BANK1: variants seen among roughly 807,000 people sequenced by gnomAD.
BANK1 encodes the protein B cell scaffold protein with ankyrin repeats 1.
A neutral mutation model predicts 94.5 loss-of-function variants in BANK1; 95 were observed. The ratio of observed to expected loss-of-function variants is 1.00; its 90% CI spans 0.85 to 1.19. The LOEUF is 1.19. Among genes scored for constraint, BANK1 ranks in the 50% most tolerant of loss-of-function variants. The pLI, the probability that BANK1 is intolerant of heterozygous loss-of-function variation, is 0.00. For synonymous variants in BANK1, 334 were observed against 308.4 expected (o/e 1.08, Z -0.87); for missense variants, 987 against 932.2 (o/e 1.06, Z -0.77).
intron 7 of BANK1, among the ~76,000 whole-genome samples, chr4:101,939,855 A>T (rs186194451): frequency 1.0e-3 from 157 of 151,848 alleles, no homozygotes; most frequent in Non-Finnish European, 1.9e-3. Flanking sequence ...AGAAAAAAAA[A>T]TACATCAATA....
At chr4:101,845,160 A>C (rs1257087453) in intron 2 of BANK1, among the ~76,000 whole-genome samples, 1 of 152,134 alleles carries the variant, frequency 6.6e-6, no homozygotes, top group Admixed American at 6.5e-5. Flanking sequence ...CCGTTCCATG[A>C]TGTGATTATT....
At chr4:101,829,097 C>T (rs772774873) in intron 1 of BANK1, among the ~76,000 whole-genome samples, 3 of 151,922 alleles carry the variant, frequency 2.0e-5, no homozygotes, top group Middle Eastern at 3.2e-3. Flanking sequence ...CTCCTGACCT[C>T]GTGATCAGCC....
intron 5 of BANK1, 24 bp from the exon 6 acceptor site, chr4:101,895,281 A>G: frequency 7.1e-7 from 1 of 1,407,996 alleles, no homozygotes; most frequent in South Asian, 1.3e-5. Flanking sequence ...CCTAGTGAAA[A>G]TTTTCTTTTT....
At chr4:101,804,224 G>A (rs556566809) in intron 1 of BANK1, among the ~76,000 whole-genome samples, 1 of 152,082 alleles carries the variant, frequency 6.6e-6, no homozygotes, top group East Asian at 1.9e-4. Context: ...CTATAAAGAT[G>A]CAGTATTAAA....
intron 7 of BANK1, among the ~76,000 whole-genome samples, chr4:101,948,820 T>C (rs1374961395): frequency 1.3e-5 from 2 of 152,154 alleles, no homozygotes; most frequent in Non-Finnish European, 1.5e-5. Flanking sequence ...TGGGTCCTGC[T>C]GAACAGAGCT....
At chr4:101,978,272 C>T (rs1049640316) in intron 7 of BANK1, among the ~76,000 whole-genome samples, 4 of 151,852 alleles carry the variant, frequency 2.6e-5, no homozygotes, top group Non-Finnish European at 1.5e-5. Flanking sequence ...AGCAGTTCTT[C>T]AAAGATCATA....
intron 5 of BANK1, 56 bp from the exon 6 acceptor site, chr4:101,895,249 G>A: frequency 2.0e-6 from 2 of 985,092 alleles, no homozygotes; most frequent in Non-Finnish European, 3.0e-6. Flanking sequence ...GCACTAAAAT[G>A]AGTTTCTATG....
intron 1 of BANK1, among the ~76,000 whole-genome samples, chr4:101,799,498 C>T (rs1469633072): frequency 6.6e-6 from 1 of 152,182 alleles, no homozygotes. Context: ...AAGACACATG[C>T]ACACGTATGT....
intron 7 of BANK1, among the ~76,000 whole-genome samples, chr4:102,011,330 A>G (rs1180787376): frequency 6.6e-6 from 1 of 152,230 alleles, no homozygotes; most frequent in Non-Finnish European, 1.5e-5. Flanking sequence ...CTTTTAGGCA[A>G]TGTCTATGAA....
chr4:102,060,441 A>G, intron 12 of BANK1, 52 bp downstream of exon 12: 2 of 1,541,410 alleles, frequency 1.3e-6, no homozygotes, highest in Non-Finnish European at 1.7e-6. Context: ...TGGAGCCCCT[A>G]GTTTGTTAAT....
At chr4:101,906,984 G>A (rs1050910745) in intron 6 of BANK1, among the ~76,000 whole-genome samples, 162 of 152,240 alleles carry the variant, frequency 1.1e-3, no homozygotes, top group African/African-American at 3.5e-3. Context: ...TGAGAGCCCC[G>A]AACAGAGATT....
chr4:101,817,102 C>G (rs962099033), intron 1 of BANK1, among the ~76,000 whole-genome samples: 4 of 152,074 alleles, frequency 2.6e-5, no homozygotes, highest in African/African-American at 9.7e-5. Context: ...TTACTGGCTA[C>G]CCGGTAAATG....
chr4:101,894,623 A>C (rs577746841), intron 5 of BANK1, among the ~76,000 whole-genome samples: 1 of 151,964 alleles, frequency 6.6e-6, no homozygotes, highest in Non-Finnish European at 1.5e-5. Context: ...CCTTAGCTAT[A>C]ATCACCTGTG....
intron 7 of BANK1, among the ~76,000 whole-genome samples, chr4:101,970,647 T>C (rs1413140661): frequency 2.0e-5 from 3 of 151,980 alleles, no homozygotes; most frequent in African/African-American, 7.2e-5. Flanking sequence ...AAATAGAAAA[T>C]GAGAAAGGCT....
At chr4:101,814,077 C>A in intron 1 of BANK1, 1 of 190,792 alleles carries the variant, frequency 5.2e-6, no homozygotes, top group Non-Finnish European at 9.7e-6. Flanking sequence ...CAAAGTGTGA[C>A]ATCCCATGTA....
rs1462107047 is a variant in BANK1, at chr4:101,862,525, G to C, written c.625-1G>C. The C allele has an allele frequency of 6.3e-7, 1 of 1,596,816 alleles. No homozygotes were observed. Among genetic ancestry groups the C allele is most frequent in the Admixed American group, 1.8e-5 (1 of 56,452 alleles). ...AAATGGGTTACATTTTCATCTTACAGAATCCTGGTGAAATATTCATAATTT... is the reference window on the plus strand; with the variant it reads ...AAATGGGTTACATTTTCATCTTACACAATCCTGGTGAAATATTCATAATTT... On this transcript the variant is annotated splice_acceptor_variant, in intron 3 of 16. Coordinates refer to ENST00000322953, the MANE Select transcript of BANK1 (RefSeq NM_017935.5). LOFTEE classifies it high-confidence loss of function.
At chr4:101,943,067 A>G (rs2148910875) in intron 7 of BANK1, among the ~76,000 whole-genome samples, 1 of 152,098 alleles carries the variant, frequency 6.6e-6, no homozygotes, top group East Asian at 1.9e-4. Flanking sequence ...TGGACCTTCC[A>G]GGCACAAAGA....
chr4:102,070,595 G>A (rs1312585646), intron 13 of BANK1, among the ~76,000 whole-genome samples: 1 of 152,182 alleles, frequency 6.6e-6, no homozygotes, highest in Non-Finnish European at 1.5e-5. Flanking sequence ...TGGACCATCA[G>A]CAAATTCCCT....
In BANK1 at chr4:101,922,055, T is replaced by TGTGTGTGTGTGTGTGA. The variant is rs1491163025; in HGVS notation, c.1206+3867_1206+3868insTGTGTGTGTGTGTGAG. On this transcript the variant is annotated intron_variant, in intron 7 of 16. Coordinates refer to ENST00000322953, the MANE Select transcript of BANK1 (RefSeq NM_017935.5). ...GTGTGTGTGTGTGTGTGTGTGTGTG[T>TGTGTGTGTGTGTGTGA]GAGACAGAGAGATTTTGTTGCCCTC... Among the ~76,000 whole-genome samples the TGTGTGTGTGTGTGTGA allele has an allele frequency of 6.9e-5, 10 of 144,260 alleles. 1 individual carries two copies. The highest frequency in any genetic ancestry group is 2.3e-4 in the African/African-American group (9 of 39,230). The allele number at this position is 144,260 out of a possible 152,430, so 94.6% of individuals were successfully genotyped here.
Sources: gnomAD v4.1 joint callset for allele counts (sites outside exome capture counted in the v4.1 genomes callset) on GRCh38, gnomAD v4.1.1 for gene constraint, MANE v1.5 for transcripts, NCBI Gene and HGNC (gene_info 2026-07-23, HGNC 2026-07-21) for gene names.